The following CTBP2 variants were observed in gnomAD, a reference collection of about 807,000 sequenced individuals.
The protein encoded by CTBP2 is C-terminal-binding protein 2.
Under a neutral mutation model 80.3 loss-of-function variants are expected in CTBP2, and 30 were observed. The observed-to-expected ratio is 0.37, with a 90% CI of 0.28 to 0.51. The LOEUF is 0.51. Among genes scored for constraint, CTBP2 ranks in the 20% least tolerant of loss-of-function variants. CTBP2 has a pLI of 0.93. For synonymous variants in CTBP2, 594 were observed against 587.4 expected (o/e 1.01, Z -0.16); for missense variants, 1,212 against 1,375.3 (o/e 0.88, Z 1.88).
chr10:125,074,579 C>T (rs891235787), intron 2 of CTBP2, among the ~76,000 whole-genome samples: 2 of 152,214 alleles, frequency 1.3e-5, no homozygotes, highest in African/African-American at 4.8e-5. Context: ...CTCCTGACTT[C>T]AGGTGATCCG....
intron 3 of CTBP2, 57 bp downstream of exon 3, chr10:125,038,940 G>T (rs1310334546): frequency 3.2e-6 from 5 of 1,566,486 alleles, no homozygotes; most frequent in Non-Finnish European, 4.4e-6. Context: ...AGCAGCCAGC[G>T]AAGATTTGAG....
intron 8 of CTBP2, among the ~76,000 whole-genome samples, chr10:124,992,098 C>T (rs1365828504): frequency 6.6e-6 from 1 of 152,022 alleles, no homozygotes; most frequent in Non-Finnish European, 1.5e-5. Flanking sequence ...CCTGAGTTGA[C>T]TGTACCAGAA....
chr10:125,035,674 C>T (rs1302051117), intron 3 of CTBP2, among the ~76,000 whole-genome samples: 15 of 152,172 alleles, frequency 9.9e-5, no homozygotes, highest in Non-Finnish European at 1.2e-4. Context: ...TTCTGGGTTC[C>T]CTTTGCAATG....
Position 125,160,312 on chromosome 10 carries a change from C to T in CTBP2, c.-206+7G>A, listed in dbSNP as rs977184008. Reference sequence around the variant, plus strand: ...CGGCCCCAGCCCTCCCCCGGGGCCCCCCTTACCTCGTCCCGGACGGTCGGC... The same window carrying T: ...CGGCCCCAGCCCTCCCCCGGGGCCCTCCTTACCTCGTCCCGGACGGTCGGC... On this transcript the variant is annotated splice_region_variant and intron_variant, in intron 1 of 10. Coordinates refer to the CTBP2 transcript ENST00000337195. 2.0e-5 allele frequency: 3 copies of T among 152,390 alleles called. No individual in the cohort carries two copies. The highest frequency in any genetic ancestry group is 7.3e-5 in the African/African-American group (3 of 41,204). 9.4% of individuals were successfully genotyped at this position (152,390 alleles called of 1,614,324 possible).
At position 125,075,682 on chromosome 10, in the gene CTBP2, T is replaced by C. The variant is rs577339154; in HGVS notation, c.-102+35308A>G. The stretch of plus-strand genomic sequence containing the variant: ...ACAGGAACTTAAGAGAATACCCAAA[T>C]AGCCAATGAAAAGGTATCTAATATG... On this transcript the variant is annotated intron_variant, in intron 2 of 10. Transcript: ENST00000337195. Among the ~76,000 whole-genome samples, 11 of 152,322 alleles carry C rather than the reference T, an allele frequency of 7.2e-5. No homozygotes were observed. The East Asian group carries it at 1.7e-3, about 24-fold the overall frequency.
rs917494237 is a variant in CTBP2, at chr10:124,988,003, A to C, written c.*1515T>G. The C allele has an allele frequency of 1.4e-4, 21 of 152,546 alleles. No individual in the cohort carries two copies. Among genetic ancestry groups the C allele is most frequent in the African/African-American group, 4.8e-4 (20 of 41,434 alleles). 9.4% of individuals were successfully genotyped at this position (152,546 alleles called of 1,614,324 possible). A position where few individuals can be genotyped will look rare whatever the true frequency, so the allele number is the denominator to read the frequency against. ...TTCAAGGTTCACTTCCCTCCCTTGA[A>C]CCAGGTCCAGGTCATTTTGCTTTGG... On this transcript the variant is annotated 3_prime_UTR_variant, in exon 9 of 9. Transcript: ENST00000309035.
rs1951992174 is a variant in CTBP2 at position 124,984,625 on chromosome 10, A to C, written c.*4893T>G. On this transcript the variant is annotated 3_prime_UTR_variant, in exon 9 of 9. Transcript: ENST00000309035. ...AGAGCAAACTGGACTTTAATCACAA[A>C]ACTTCCAAGAGGTCAAAACCATGTG... The C allele has an allele frequency of 5.5e-6, 4 of 731,972 alleles. No individual in the cohort carries two copies. The South Asian group carries it at 9.3e-5, about 17-fold the overall frequency. The allele number at this position is 731,972 out of a possible 1,614,324, so 45.3% of individuals were successfully genotyped here.
intron 4 of CTBP2, chr10:124,997,237 C>T (rs1953740005): frequency 1.3e-5 from 2 of 152,244 alleles, no homozygotes; most frequent in Admixed American, 6.5e-5. Context: ...AGGCAAAAAG[C>T]TCAGGTAATT....
chr10:125,007,132 A>G (rs1955350379), intron 1 of CTBP2, among the ~76,000 whole-genome samples: 1 of 152,226 alleles, frequency 6.6e-6, no homozygotes, highest in South Asian at 2.1e-4. Context: ...TGCCTTGTCC[A>G]TTTCAGGACA....
chr10:125,012,081 A>C (rs906432762), intron 1 of CTBP2, among the ~76,000 whole-genome samples: 3 of 152,338 alleles, frequency 2.0e-5, no homozygotes, highest in African/African-American at 4.8e-5. Flanking sequence ...AAGGGACATC[A>C]CCAAAAACGG....
chr10:125,103,383 G>A (rs1245057615), intron 2 of CTBP2, among the ~76,000 whole-genome samples: 2 of 152,196 alleles, frequency 1.3e-5, no homozygotes, highest in Non-Finnish European at 2.9e-5. Flanking sequence ...AGGGAGCTGC[G>A]GAAATCACTC....
intron 1 of CTBP2, among the ~76,000 whole-genome samples, chr10:125,015,289 G>T (rs1956355569): frequency 6.6e-6 from 1 of 152,188 alleles, no homozygotes; most frequent in Non-Finnish European, 1.5e-5. Flanking sequence ...CCCCACCCAA[G>T]CAAGGCCATT....
intron 3 of CTBP2, among the ~76,000 whole-genome samples, chr10:125,037,535 C>T (rs1293322281): frequency 6.6e-6 from 1 of 152,234 alleles, no homozygotes; most frequent in Non-Finnish European, 1.5e-5. Context: ...GTCTACAAAT[C>T]AATGGGGCCT....
Position 125,070,081 on chromosome 10 carries a change from G to C in CTBP2, c.-101-30926C>G, listed in dbSNP as rs549035398. ...AATGCATCATACCGGCTGGGCACGGGTGGCTCAGGCCTGTAGTCCCAGCAC... is the reference window on the plus strand; with the variant it reads ...AATGCATCATACCGGCTGGGCACGGCTGGCTCAGGCCTGTAGTCCCAGCAC... On this transcript the variant is annotated intron_variant, in intron 2 of 10. Transcript: ENST00000337195. Among the ~76,000 whole-genome samples, 40 of 151,962 alleles carry C rather than the reference G, an allele frequency of 2.6e-4. No homozygotes were observed. The East Asian group carries it at 7.8e-3, about 29-fold the overall frequency.
At chr10:125,005,470 CCTT>C in intron 1 of CTBP2, 1 of 1,426,990 alleles carries the variant, frequency 7.0e-7, no homozygotes, top group Non-Finnish European at 9.5e-7. Context: ...ACTCCAACAT[CCTT>C]CTGCACCAGG....
At chr10:125,022,192 C>T (rs1195317717) in intron 1 of CTBP2, among the ~76,000 whole-genome samples, 1 of 152,234 alleles carries the variant, frequency 6.6e-6, no homozygotes, top group African/African-American at 2.4e-5. Flanking sequence ...TCCTGCTTCC[C>T]TGCCGGTGCA....
chr10:125,046,069 T>A (rs1032927818), intron 2 of CTBP2, among the ~76,000 whole-genome samples: 2 of 149,678 alleles, frequency 1.3e-5, no homozygotes, highest in African/African-American at 4.9e-5. Flanking sequence ...TGCTTGGGTT[T>A]AAAAAAAAAA....
rs906860807 is a variant in CTBP2, at chr10:124,987,659, T to C, written c.*1859A>G. On this transcript the variant is annotated 3_prime_UTR_variant, in exon 9 of 9. Transcript: ENST00000309035. Reference sequence around the variant, plus strand: ...CTCTCTCCATGTGAGCTTGTGTTAATAGACACTTTTATGGTAGAGTTGGGA... The same window carrying C: ...CTCTCTCCATGTGAGCTTGTGTTAACAGACACTTTTATGGTAGAGTTGGGA... The C allele has an allele frequency of 2.0e-5, 3 of 152,166 alleles. No homozygotes were observed. The highest frequency in any genetic ancestry group is 4.4e-5 in the Non-Finnish European group (3 of 68,036). The allele number at this position is 152,166 out of a possible 1,614,324, so 9.4% of individuals were successfully genotyped here. A position where few individuals can be genotyped will look rare whatever the true frequency, so the allele number is the denominator to read the frequency against.
chr10:125,156,222 T>C (rs1336415548), intron 1 of CTBP2, among the ~76,000 whole-genome samples: 1 of 152,164 alleles, frequency 6.6e-6, no homozygotes, highest in Non-Finnish European at 1.5e-5. Flanking sequence ...TGTATGAATA[T>C]ATATTTGTGG....
Sources: gnomAD v4.1 joint callset for allele counts (sites outside exome capture counted in the v4.1 genomes callset) on GRCh38, gnomAD v4.1.1 for gene constraint, MANE v1.5 for transcripts, NCBI Gene and HGNC (gene_info 2026-07-23, HGNC 2026-07-21) for gene names.